Variants in SMG6 observed in about 807,000 individuals in gnomAD.
SMG6 encodes SMG6 nonsense mediated mRNA decay factor, also known as telomerase-binding protein EST1A.
SMG6 carries 66 observed loss-of-function variants against 142.2 expected under a neutral mutation model. That is an observed-to-expected ratio of 0.46 (90% CI 0.38 to 0.57). SMG6 has a LOEUF of 0.57. SMG6 is among the 20% of genes least tolerant of loss of function. The pLI is 0.00. For synonymous variants in SMG6, 779 were observed against 702.4 expected (o/e 1.11, Z -1.72); for missense variants, 1,793 against 1,832.0 (o/e 0.98, Z 0.39).
intron 15 of SMG6, chr17:2,072,787 CAG>C (rs2057706669): frequency 6.6e-6 from 1 of 152,208 alleles, no homozygotes; most frequent in South Asian, 2.1e-4. Flanking sequence ...CTTCCCTCTA[CAG>C]GGTGAAGAAT....
intron 13 of SMG6, among the ~76,000 whole-genome samples, chr17:2,097,506 A>C (rs1027443562): frequency 1.3e-5 from 2 of 152,268 alleles, no homozygotes; most frequent in South Asian, 2.1e-4. Flanking sequence ...TACTGTGTTG[A>C]ATCTGTAAGG....
At chr17:2,179,041 G>A (rs899821459) in intron 12 of SMG6, among the ~76,000 whole-genome samples, 2 of 152,202 alleles carry the variant, frequency 1.3e-5, no homozygotes, top group South Asian at 2.1e-4. Context: ...GGAGTCCTAC[G>A]GGAGGCGTGG....
chr17:2,100,541 G>GT (rs2068977466), intron 13 of SMG6, among the ~76,000 whole-genome samples: 1 of 152,132 alleles, frequency 6.6e-6, no homozygotes, highest in Admixed American at 6.5e-5. Flanking sequence ...CAATGAATTA[G>GT]TATTTCTTGA....
intron 10 of SMG6, among the ~76,000 whole-genome samples, chr17:2,224,012 C>A (rs1245322176): frequency 1.3e-5 from 2 of 152,104 alleles, no homozygotes; most frequent in Non-Finnish European, 2.9e-5. Flanking sequence ...GCAGACTAGA[C>A]ACCTAGATCC....
At chr17:2,066,500 G>A (rs983324407) in intron 16 of SMG6, among the ~76,000 whole-genome samples, 2 of 151,960 alleles carry the variant, frequency 1.3e-5, no homozygotes, top group Admixed American at 6.6e-5. Context: ...TGTGCTCCTC[G>A]GGGGCTCTGG....
chr17:2,079,642 T>G (rs1009131897), intron 15 of SMG6, among the ~76,000 whole-genome samples: 4 of 149,858 alleles, frequency 2.7e-5, no homozygotes, highest in Non-Finnish European at 5.9e-5. Flanking sequence ...AGCATGAGGA[T>G]AAAGCTGTTT....
At chr17:2,155,868 C>T (rs771275052) in intron 13 of SMG6, among the ~76,000 whole-genome samples, 1 of 152,130 alleles carries the variant, frequency 6.6e-6, no homozygotes, top group Non-Finnish European at 1.5e-5. Flanking sequence ...TGGTTTTAAT[C>T]CACACGCTCC....
At chr17:2,294,386 A>G (rs116127228) in intron 4 of SMG6, among the ~76,000 whole-genome samples, 192 of 152,270 alleles carry the variant, frequency 1.3e-3, no homozygotes, top group African/African-American at 4.5e-3. Flanking sequence ...AAAACAAAAC[A>G]AATTCTTTCA....
At chr17:2,158,803 G>C (rs2151619310) in intron 13 of SMG6, among the ~76,000 whole-genome samples, 1 of 149,078 alleles carries the variant, frequency 6.7e-6, no homozygotes, top group African/African-American at 2.5e-5. Flanking sequence ...CATAGTCCCA[G>C]CTACTGGGGA....
rs900987812 is a variant in SMG6 at position 2,266,086 on chromosome 17, A to T, written c.2661+16561T>A. Reference sequence around the variant, plus strand: ...CTTTCCCCCCTCTTCAGGATCTAGTACTTTCTGTTCACCATGCGTGCCACT... The same window carrying T: ...CTTTCCCCCCTCTTCAGGATCTAGTTCTTTCTGTTCACCATGCGTGCCACT... On this transcript the variant is annotated intron_variant, in intron 8 of 18. Coordinates refer to ENST00000263073, the MANE Select transcript of SMG6 (RefSeq NM_017575.5). 4.1e-6 allele frequency: 4 copies of T among 985,182 alleles called. No homozygotes were observed. In the African/African-American group the frequency reaches 7.0e-5, roughly 17 times the overall value. The allele number at this position is 985,182 out of a possible 1,614,324, so 61.0% of individuals were successfully genotyped here.
Position 2,300,227 on chromosome 17 carries a change from T to C in SMG6, c.526A>G (p.Arg176Gly), listed in dbSNP as rs904978935. ...EEVLNQVEQL[R>G]VEEDECRGNV... ...CCCCTACACTCATCTTCCTCTACTC[T>C]CAGTTGTTCTACCTGGTTGAGGACT... is the stretch of plus-strand genomic sequence containing the variant. The change falls in exon 2 of 19, where the codon AGA (arginine) becomes GGA (glycine). Residue 176 changes from arginine to glycine, a missense_variant. Coordinates refer to ENST00000263073, the MANE Select transcript of SMG6 (RefSeq NM_017575.5). 1 of 1,614,162 alleles carries C rather than the reference T, an allele frequency of 6.2e-7. No individual in the cohort carries two copies. Among genetic ancestry groups the C allele is most frequent in the Non-Finnish European group, 8.5e-7 (1 of 1,180,044 alleles).
At chr17:2,196,379 G>A (rs968220748) in intron 10 of SMG6, among the ~76,000 whole-genome samples, 21 of 152,198 alleles carry the variant, frequency 1.4e-4, no homozygotes, top group Non-Finnish European at 8.8e-5. Context: ...AGTGAGCCGA[G>A]AATGCGTCAT....
At chr17:2,180,657 T>G (rs560661450) in intron 12 of SMG6, among the ~76,000 whole-genome samples, 1 of 152,204 alleles carries the variant, frequency 6.6e-6, no homozygotes, top group Non-Finnish European at 1.5e-5. Context: ...AACCCTGGAA[T>G]TCCCCTCAGA....
intron 12 of SMG6, 60 bp downstream of exon 12, chr17:2,186,603 C>T (rs1047048980): frequency 9.5e-6 from 15 of 1,578,992 alleles, no homozygotes; most frequent in Non-Finnish European, 1.3e-5. Flanking sequence ...AAGAGGGGAG[C>T]TGTAGGAACA....
chr17:2,067,641 A>G (rs1255377767), intron 16 of SMG6, among the ~76,000 whole-genome samples: 1 of 152,144 alleles, frequency 6.6e-6, no homozygotes, highest in Non-Finnish European at 1.5e-5. Flanking sequence ...CCTGGATTTA[A>G]GAGGTTCTGG....
chr17:2,218,406 G>A (rs1168135000), intron 10 of SMG6, among the ~76,000 whole-genome samples: 3 of 151,978 alleles, frequency 2.0e-5, no homozygotes, highest in Admixed American at 6.6e-5. Flanking sequence ...AAAATTAGCC[G>A]GACACGGTGG....
At chr17:2,256,170 G>T (rs1029780615) in intron 8 of SMG6, 1 of 145,954 alleles carries the variant, frequency 6.9e-6, no homozygotes. Context: ...AAACACCCAA[G>T]AATGATCAAT....
At chr17:2,200,697 CAATTT>C (rs1182279823) in intron 10 of SMG6, among the ~76,000 whole-genome samples, 9 of 152,028 alleles carry the variant, frequency 5.9e-5, no homozygotes, top group Non-Finnish European at 1.3e-4. Flanking sequence ...CACATACACA[CAATTT>C]AATTTAATTT....
At chr17:2,139,782 GT>G (rs1273422472) in intron 13 of SMG6, among the ~76,000 whole-genome samples, 2 of 152,050 alleles carry the variant, frequency 1.3e-5, no homozygotes, top group African/African-American at 4.8e-5. Context: ...CTGGAGTGCA[GT>G]GGTGTGATCT....
Sources: allele counts gnomAD v4.1 joint callset (sites outside exome capture counted in the v4.1 genomes callset), GRCh38; gene constraint gnomAD v4.1.1; transcripts MANE v1.5; gene names NCBI Gene and HGNC (gene_info 2026-07-23, HGNC 2026-07-21).